TRPM3: variants seen among roughly 807,000 people sequenced by gnomAD.
TRPM3 encodes the protein long transient receptor potential channel 3.
Under a neutral mutation model 181.2 loss-of-function variants are expected in TRPM3, and 77 were observed. The observed-to-expected ratio is 0.42, with a 90% confidence interval of 0.35 to 0.51. The LOEUF (loss-of-function observed/expected upper bound fraction) is 0.51, where lower values mean the gene tolerates loss of function less well. TRPM3 is among the 20% of genes least tolerant of loss of function. The pLI, the probability that TRPM3 is intolerant of heterozygous loss-of-function variation, is 0.01. For synonymous variants in TRPM3, 745 were observed against 796.4 expected, an observed-to-expected ratio of 0.94 and a Z score of 1.09; for missense variants, 1,759 against 2,196.7, an observed-to-expected ratio of 0.80 and a Z score of 3.98.
intron 1 of TRPM3, among the ~76,000 whole-genome samples, chr9:70,975,360 G>A (rs1196687849): frequency 2.6e-5 from 4 of 152,180 alleles, no homozygotes; most frequent in Non-Finnish European, 4.4e-5. Flanking sequence ...AAGGAAATAC[G>A]TAGTGGAAAA....
chr9:70,562,021 C>A (rs949852209), intron 22 of TRPM3, among the ~76,000 whole-genome samples: 4 of 152,124 alleles, frequency 2.6e-5, no homozygotes, highest in African/African-American at 4.8e-5. Context: ...AACAATGTAG[C>A]GTTTTTCATT....
At chr9:71,025,144 T>C (rs1236796445) in intron 1 of TRPM3, among the ~76,000 whole-genome samples, 2 of 152,360 alleles carry the variant, frequency 1.3e-5, no homozygotes, top group Non-Finnish European at 2.9e-5. Context: ...AAATGTATCA[T>C]AGGTAATGCA....
chr9:71,362,864 A>G (rs1168042349), intron 1 of TRPM3, among the ~76,000 whole-genome samples: 3 of 152,230 alleles, frequency 2.0e-5, no homozygotes, highest in Non-Finnish European at 4.4e-5. Flanking sequence ...ATAAAAAATA[A>G]TAATTCCACC....
rs367700531 is a variant in TRPM3 at position 70,641,838 on chromosome 9, G to A, written c.1346-1178C>T. 2.0e-4 allele frequency among the ~76,000 whole-genome samples: 30 copies of A among 152,314 alleles called. 1 individual carries two copies. The South Asian group carries it at 6.0e-3, about 31-fold the overall frequency. The stretch of plus-strand genomic sequence containing the variant: ...CTGGAAATGGAGGCAGTGCAGTAAC[G>A]AAAGCAACATTAGGCTCCAGGCAGG... On this transcript the variant is annotated intron_variant, in intron 9 of 25. Transcript: ENST00000677713.
At chr9:70,828,311 A>G (rs530567563) in intron 5 of TRPM3, among the ~76,000 whole-genome samples, 1 of 152,320 alleles carries the variant, frequency 6.6e-6, no homozygotes, top group South Asian at 2.1e-4. Flanking sequence ...TGATTGTTTC[A>G]TTTTGAAGTC....
intron 1 of TRPM3, among the ~76,000 whole-genome samples, chr9:71,181,761 T>C (rs1479049525): frequency 1.3e-5 from 2 of 152,170 alleles, no homozygotes; most frequent in Non-Finnish European, 2.9e-5. Context: ...CACACTCACA[T>C]GGGATGTTAT....
intron 1 of TRPM3, among the ~76,000 whole-genome samples, chr9:71,183,112 T>G (rs1028915974): frequency 4.6e-5 from 7 of 152,152 alleles, no homozygotes; most frequent in Admixed American, 3.3e-4. Flanking sequence ...GGGCTTTTTG[T>G]ATATAGAAGA....
chr9:71,421,662 T>C (rs1007454055), intron 1 of TRPM3, among the ~76,000 whole-genome samples: 1 of 151,970 alleles, frequency 6.6e-6, no homozygotes, highest in East Asian at 1.9e-4. Context: ...TATACTCACA[T>C]AAACCTAGCT....
At chr9:71,041,750 C>T (rs2058849804) in intron 1 of TRPM3, among the ~76,000 whole-genome samples, 1 of 152,054 alleles carries the variant, frequency 6.6e-6, no homozygotes, top group Admixed American at 6.5e-5. Flanking sequence ...CTCCTTTGTC[C>T]TTAATTCTCC....
At chr9:71,203,927 T>C (rs1338780569) in intron 1 of TRPM3, among the ~76,000 whole-genome samples, 1 of 152,200 alleles carries the variant, frequency 6.6e-6, no homozygotes, top group African/African-American at 2.4e-5. Context: ...AACTATCTGA[T>C]CTTTGACAAA....
rs542141522 is a variant in TRPM3, at chr9:70,671,822, T to C, written c.1345+9684A>G. On this transcript the variant is annotated intron_variant, in intron 9 of 25. Coordinates refer to ENST00000677713, the MANE Select transcript of TRPM3 (RefSeq NM_001366145.2). ...CTCTGTTGCCCAGGCTGGAGTGCAG[T>C]GGCATGATCTCAGCTCATTGCATCC... is the stretch of plus-strand genomic sequence containing the variant. 3.3e-5 allele frequency among the ~76,000 whole-genome samples: 5 copies of C among 152,276 alleles called. No homozygotes were observed. In the South Asian group the frequency reaches 8.3e-4, roughly 25 times the overall value.
Position 71,338,609 on chromosome 9 carries a change from GTAAAAGTAATCAAAATCC to G in TRPM3, c.183+108026_183+108043del, listed in dbSNP as rs139394534. ...GGATCTCAGAAGAGATATGGAAAAT[GTAAAAGTAATCAAAATCC>G]TAAAACTGATAAAAAGCAGTATCTG... is the stretch of plus-strand genomic sequence containing the variant. On this transcript the variant is annotated intron_variant, in intron 1 of 24. Coordinates refer to the TRPM3 transcript ENST00000357533. 5.3e-3 allele frequency among the ~76,000 whole-genome samples: 799 copies of G among 152,180 alleles called. 12 individuals are homozygous for G. The highest frequency in any genetic ancestry group is 0.019 in the African/African-American group (769 of 41,536).
In TRPM3 at chr9:70,536,013, C is replaced by G; in HGVS notation, c.5100G>C (p.Leu1700=). 2 of 1,613,792 alleles carry G rather than the reference C, an allele frequency of 1.2e-6. No individual in the cohort carries two copies. Among genetic ancestry groups the G allele is most frequent in the East Asian group, 4.5e-5 (2 of 44,874 alleles). Residue 1700 remains leucine (L), a synonymous_variant, in exon 26 of 26, where the codon CTG becomes CTC. Coordinates refer to ENST00000677713, the MANE Select transcript of TRPM3 (RefSeq NM_001366145.2). The stretch of plus-strand genomic sequence containing the variant: ...ATGTTCTGGACAGTCTCCTCATGGA[C>G]AGGCTGTCCCCTCGGCCCTCCGGCT... ...SSKPEGRGDS[L]SMRRLSRTSA...
chr9:70,674,310 A>G (rs1156675122), intron 9 of TRPM3, among the ~76,000 whole-genome samples: 1 of 152,194 alleles, frequency 6.6e-6, no homozygotes, highest in African/African-American at 2.4e-5. Context: ...TATTGGACAT[A>G]AACTACTTCA....
At chr9:71,332,301 T>G (rs1264454714) in intron 1 of TRPM3, among the ~76,000 whole-genome samples, 1 of 151,774 alleles carries the variant, frequency 6.6e-6, no homozygotes, top group African/African-American at 2.4e-5. Context: ...TAATGCTTTT[T>G]TTGGATACAT....
intron 6 of TRPM3, among the ~76,000 whole-genome samples, chr9:70,821,952 T>C (rs752612559): frequency 5.3e-5 from 8 of 152,234 alleles, no homozygotes; most frequent in Non-Finnish European, 7.3e-5. Flanking sequence ...CTGTGCTGCA[T>C]GAGAATTCTA....
chr9:71,192,760 T>A (rs1339635256), intron 1 of TRPM3, among the ~76,000 whole-genome samples: 1 of 151,904 alleles, frequency 6.6e-6, no homozygotes, highest in Non-Finnish European at 1.5e-5. Context: ...TTTAGGTTGA[T>A]GTAGTCCCAA....
intron 17 of TRPM3, among the ~76,000 whole-genome samples, chr9:70,616,334 A>C (rs1339888138): frequency 6.6e-6 from 1 of 151,998 alleles, no homozygotes; most frequent in Non-Finnish European, 1.5e-5. Flanking sequence ...TTTTTGGAGG[A>C]AAAAAGCATT....
intron 8 of TRPM3, among the ~76,000 whole-genome samples, chr9:70,696,519 G>A (rs980072795): frequency 6.6e-6 from 1 of 152,126 alleles, no homozygotes; most frequent in Non-Finnish European, 1.5e-5. Context: ...ATTTGGTCAG[G>A]AACATTCCCA....
Sources: allele counts gnomAD v4.1 joint callset (sites outside exome capture counted in the v4.1 genomes callset), GRCh38; gene constraint gnomAD v4.1.1; transcripts MANE v1.5; gene names NCBI Gene and HGNC (gene_info 2026-07-23, HGNC 2026-07-21).